Variants in ARHGEF38 observed in about 807,000 individuals in gnomAD.
The protein encoded by ARHGEF38 is Rho guanine nucleotide exchange factor 38, also known as Rho guanine nucleotide exchange factor (GEF) 38.
In ARHGEF38, 79 loss-of-function variants were observed where a neutral mutation model predicts 79.9. The observed-to-expected ratio is 0.99, with a 90% confidence interval of 0.82 to 1.19. The LOEUF is 1.19. Among genes scored for constraint, ARHGEF38 ranks in the 50% most tolerant of loss-of-function variants. The pLI is 0.00. For missense variants in ARHGEF38, 962 were observed against 907.2 expected (o/e 1.06, Z -0.78); for synonymous variants, 366 against 328.3 (o/e 1.11, Z -1.24).
chr4:105,596,944 C>T (rs1195918578), intron 2 of ARHGEF38, among the ~76,000 whole-genome samples: 2 of 152,316 alleles, frequency 1.3e-5, no homozygotes, highest in South Asian at 2.1e-4. Context: ...ACTGCTTACT[C>T]GGCTCTAAAT....
At chr4:105,589,542 T>A in intron 2 of ARHGEF38, 107 bp downstream of exon 2, 1 of 986,684 alleles carries the variant, frequency 1.0e-6, no homozygotes, top group South Asian at 1.8e-5. Flanking sequence ...TGTGCCTTTC[T>A]CCCCAAAACA....
At chr4:105,563,668 AG>A (rs1296069143) in intron 1 of ARHGEF38, among the ~76,000 whole-genome samples, 1 of 12,026 alleles carries the variant, frequency 8.3e-5, no homozygotes, top group African/African-American at 4.6e-4. Context: ...TTCTAACCTT[AG>A]TTTTTAGTAG....
chr4:105,597,261 T>G (rs183875389), intron 2 of ARHGEF38, among the ~76,000 whole-genome samples: 3 of 152,326 alleles, frequency 2.0e-5, no homozygotes, highest in Admixed American at 2.0e-4. Flanking sequence ...CTTCTCAAAG[T>G]TATTTGCTAA....
At chr4:105,658,678 C>A (rs1262746254) in intron 9 of ARHGEF38, among the ~76,000 whole-genome samples, 2 of 152,034 alleles carry the variant, frequency 1.3e-5, no homozygotes, top group Non-Finnish European at 2.9e-5. Flanking sequence ...GCTAGAGATT[C>A]CCCCCTACCC....
intron 1 of ARHGEF38, among the ~76,000 whole-genome samples, chr4:105,579,419 C>A (rs1307054775): frequency 6.6e-6 from 1 of 152,106 alleles, no homozygotes; most frequent in Non-Finnish European, 1.5e-5. Context: ...ATACCTAGTT[C>A]ATTGACAGTT....
intron 10 of ARHGEF38, among the ~76,000 whole-genome samples, chr4:105,665,443 G>C (rs1730714144): frequency 6.6e-6 from 1 of 151,870 alleles, no homozygotes; most frequent in Admixed American, 6.6e-5. Context: ...GTTGCAGTGA[G>C]CCAAAATCGT....
At chr4:105,589,584 G>T in intron 2 of ARHGEF38, 149 bp downstream of exon 2, 1 of 690,722 alleles carries the variant, frequency 1.4e-6, no homozygotes, top group Non-Finnish European at 2.3e-6. Context: ...TTACAGTTTA[G>T]TACAAAACAA....
rs1482890044 is a variant in ARHGEF38, at chr4:105,667,178, C to T, written c.1739C>T (p.Thr580Ile). ...ATTCATCGCTCCAAACTTCTATCCACATATAGTGCAGAGGAACTCTATCAA... is the reference window on the plus strand; with the variant it reads ...ATTCATCGCTCCAAACTTCTATCCATATATAGTGCAGAGGAACTCTATCAA... ...TDIHRSKLLS[T>I]YSAEELYQAK... The change falls in exon 12 of 14, where the codon ACA becomes ATA. Residue 580 changes from threonine (T) to isoleucine (I), a missense_variant. Coordinates refer to ENST00000420470, the MANE Select transcript of ARHGEF38 (RefSeq NM_001242729.2). 1 of 1,536,094 alleles carries T rather than the reference C, an allele frequency of 6.5e-7. No individual in the cohort carries two copies. Among genetic ancestry groups the T allele is most frequent in the South Asian group, 1.2e-5 (1 of 84,028 alleles).
intron 7 of ARHGEF38, among the ~76,000 whole-genome samples, chr4:105,652,177 C>G (rs947298897): frequency 6.6e-5 from 10 of 152,184 alleles, no homozygotes; most frequent in Admixed American, 5.2e-4. Flanking sequence ...TGTTAACAAT[C>G]TCTGCCATAC....
In ARHGEF38 at chr4:105,589,306, G is replaced by T. The variant is rs1727207783; in HGVS notation, c.255G>T (p.Glu85Asp). 6.2e-7 allele frequency: 1 copy of T among 1,614,072 alleles called. No individual in the cohort carries two copies. ...CTGAGACCTTAACCCCAGAGGAAGA[G>T]CATCATATGAAGAGGATGATGGCAA... ...SVAETLTPEE[E>D]HHMKRMMAKR... Residue 85 changes from glutamate (E) to aspartate (D), a missense_variant, in exon 2 of 14, where the codon GAG (glutamate) becomes GAT (aspartate). By Grantham distance (45) the Glu-to-Asp change is conservative. Transcript: ENST00000420470.
intron 2 of ARHGEF38, among the ~76,000 whole-genome samples, chr4:105,603,713 A>C (rs1430575487): frequency 6.6e-6 from 1 of 152,164 alleles, no homozygotes; most frequent in East Asian, 1.9e-4. Context: ...CAGTGTCTGC[A>C]GCTGGTCCAT....
Position 105,645,181 on chromosome 4 carries a change from A to G in ARHGEF38, c.675-7A>G, listed in dbSNP as rs945708926. The G allele has an allele frequency of 3.4e-6, 5 of 1,488,124 alleles. No individual in the cohort carries two copies. Among genetic ancestry groups the G allele is most frequent in the Non-Finnish European group, 4.4e-6 (5 of 1,123,662 alleles). The allele number at this position is 1,488,124 out of a possible 1,614,324, so 92.2% of individuals were successfully genotyped here. On this transcript the variant is annotated splice_polypyrimidine_tract_variant and splice_region_variant and intron_variant, in intron 5 of 13. Coordinates refer to ENST00000420470, the MANE Select transcript of ARHGEF38 (RefSeq NM_001242729.2). ...TGTGAAACTGATATTATTTATCTGTATTGTAGAGGCAAACCAAACTTATTG... is the reference window on the plus strand; with the variant it reads ...TGTGAAACTGATATTATTTATCTGTGTTGTAGAGGCAAACCAAACTTATTG...
chr4:105,613,659 G>T (rs1173840423), intron 3 of ARHGEF38, 152 bp downstream of exon 3: 16 of 795,802 alleles, frequency 2.0e-5, no homozygotes, highest in Non-Finnish European at 3.0e-5. Context: ...TGATTATGCA[G>T]ACTCTGTGTT....
chr4:105,552,840 ACT>A lies in ARHGEF38; in HGVS notation c.78_79del (p.Met28AlafsTer7). The A allele has an allele frequency of 6.2e-7, 1 of 1,613,702 alleles. No individual in the cohort carries two copies. Among genetic ancestry groups the A allele is most frequent in the East Asian group, 2.2e-5 (1 of 44,862 alleles). On this transcript the variant is annotated frameshift_variant, in exon 1 of 14. Coordinates refer to ENST00000420470, the MANE Select transcript of ARHGEF38 (RefSeq NM_001242729.2). LOFTEE classifies it high-confidence loss of function. ...KKNLAFLRSRLYMLERRKTDT... is the reference protein window; with the variant it reads ...KKNLAFLRSRXYMLERRKTDT... Reference sequence around the variant, plus strand: ...AGAATCTGGCCTTCTTGAGGTCTAGACTCTATATGCTGGAGAGAAGGAAGACT... The same window carrying A: ...AGAATCTGGCCTTCTTGAGGTCTAGACTATATGCTGGAGAGAAGGAAGACT...
chr4:105,581,070 GT>G (rs1056006481), intron 1 of ARHGEF38, among the ~76,000 whole-genome samples: 33 of 152,264 alleles, frequency 2.2e-4, no homozygotes, highest in African/African-American at 7.0e-4. Flanking sequence ...CTCCTTGTCT[GT>G]TTAACTCACC....
chr4:105,663,569 G>A (rs1730639680), intron 10 of ARHGEF38, among the ~76,000 whole-genome samples: 2 of 152,108 alleles, frequency 1.3e-5, no homozygotes, highest in African/African-American at 4.8e-5. Context: ...GTTTGTCTCT[G>A]TGACTGCCTT....
At chr4:105,646,338 T>TA (rs889123044) in intron 6 of ARHGEF38, among the ~76,000 whole-genome samples, 39 of 151,938 alleles carry the variant, frequency 2.6e-4, no homozygotes, top group African/African-American at 8.7e-4. Flanking sequence ...ATTAAATCAA[T>TA]AAAAAAACAT....
intron 10 of ARHGEF38, among the ~76,000 whole-genome samples, chr4:105,665,389 C>T (rs937089019): frequency 3.3e-5 from 5 of 151,512 alleles, no homozygotes; most frequent in African/African-American, 9.7e-5. Context: ...CCCAGCTACT[C>T]GGGAGGCTGA....
At chr4:105,566,209 T>A (rs1182257428) in intron 1 of ARHGEF38, among the ~76,000 whole-genome samples, 2 of 152,220 alleles carry the variant, frequency 1.3e-5, no homozygotes, top group African/African-American at 4.8e-5. Flanking sequence ...CTGCACTAAG[T>A]TGTTTTCGCA....
Sources: gnomAD v4.1 joint callset for allele counts (sites outside exome capture counted in the v4.1 genomes callset) on GRCh38, gnomAD v4.1.1 for gene constraint, MANE v1.5 for transcripts, NCBI Gene and HGNC (gene_info 2026-07-23, HGNC 2026-07-21) for gene names.